FANK1: variants seen among roughly 807,000 people sequenced by gnomAD.
The protein encoded by FANK1 is fibronectin type 3 and ankyrin repeat domains protein 1.
A neutral mutation model predicts 45.3 loss-of-function variants in FANK1; 44 were observed. The observed-to-expected ratio is 0.97, with a 90% CI of 0.76 to 1.25. The LOEUF is 1.25. FANK1 is among the 50% of genes most tolerant of loss of function. FANK1 has a pLI of 0.00. For missense variants in FANK1, 391 were observed against 424.4 expected (o/e 0.92, Z 0.69); for synonymous variants, 149 against 152.5 (o/e 0.98, Z 0.17).
chr10:126,009,542 A>G lies in FANK1; in HGVS notation c.*104A>G. 2 of 1,232,950 alleles carry G rather than the reference A, an allele frequency of 1.6e-6. No homozygotes were observed. The highest frequency in any genetic ancestry group is 2.4e-4 in the Middle Eastern group (1 of 4,202). The allele number at this position is 1,232,950 out of a possible 1,614,324, so 76.4% of individuals were successfully genotyped here. A position where few individuals can be genotyped will look rare whatever the true frequency, so the allele number is the denominator to read the frequency against. On this transcript the variant is annotated 3_prime_UTR_variant, in exon 11 of 11. Transcript: ENST00000368693. ...ATCTTGGGGGGCTGTACATTTATTT[A>G]TTTAGTTGAAGATTCACTGATCCCA... is the stretch of plus-strand genomic sequence containing the variant.
rs909215947 is a variant in FANK1 at position 125,983,250 on chromosome 10, A to C, written c.191+2912A>C. On this transcript the variant is annotated intron_variant, in intron 2 of 10. Coordinates refer to ENST00000368693, the MANE Select transcript of FANK1 (RefSeq NM_145235.5). This position sits in a 1 kb window ranked among gnomAD's most constrained non-coding sequence, Gnocchi z 4.3. Reference sequence around the variant, plus strand: ...TGGTCAGATTTTACCTCCACTGAGAAGCTCTCCTTACTACCCTATTGTCTG... The same window carrying C: ...TGGTCAGATTTTACCTCCACTGAGACGCTCTCCTTACTACCCTATTGTCTG... Among the ~76,000 whole-genome samples, 2 of 151,988 alleles carry C rather than the reference A, an allele frequency of 1.3e-5. No individual in the cohort carries two copies. Among genetic ancestry groups the C allele is most frequent in the African/African-American group, 4.8e-5 (2 of 41,372 alleles).
intron 1 of FANK1, among the ~76,000 whole-genome samples, chr10:125,908,284 C>T (rs1222062914): frequency 1.3e-5 from 2 of 152,186 alleles, no homozygotes; most frequent in African/African-American, 4.8e-5. Context: ...GTGTGAGCCA[C>T]TGTGCCTGGC....
intron 1 of FANK1, among the ~76,000 whole-genome samples, chr10:125,930,900 A>G (rs1947710041): frequency 6.6e-6 from 1 of 151,944 alleles, no homozygotes; most frequent in South Asian, 2.1e-4. Flanking sequence ...CCCAAAGTCC[A>G]TTGTATCATT....
chr10:125,914,373 C>T (rs1946281900), intron 1 of FANK1, among the ~76,000 whole-genome samples: 1 of 151,682 alleles, frequency 6.6e-6, no homozygotes, highest in Admixed American at 6.6e-5. Flanking sequence ...AGGACAGGAA[C>T]CAGCCCTGCC....
chr10:125,985,631 A>G (rs1210445021), intron 2 of FANK1, among the ~76,000 whole-genome samples: 2 of 152,168 alleles, frequency 1.3e-5, no homozygotes, highest in Non-Finnish European at 2.9e-5. Context: ...GTTGATACAT[A>G]CTATCTCAGT....
intron 1 of FANK1, among the ~76,000 whole-genome samples, chr10:125,933,977 T>C (rs944304099): frequency 1.3e-5 from 2 of 152,200 alleles, no homozygotes; most frequent in Non-Finnish European, 2.9e-5. Context: ...TCGATTTTAT[T>C]CCACTGTTAT....
chr10:125,933,391 G>A (rs997401110), intron 1 of FANK1, among the ~76,000 whole-genome samples: 2 of 151,970 alleles, frequency 1.3e-5, no homozygotes, highest in Admixed American at 1.3e-4. Flanking sequence ...GGATTTATCC[G>A]TCTTTTCTAG....
chr10:126,007,159 C>G (rs1286894445), intron 7 of FANK1: 2 of 152,124 alleles, frequency 1.3e-5, no homozygotes, highest in African/African-American at 4.8e-5. Flanking sequence ...GACTTGAGAG[C>G]CAATCACCAC....
At chr10:125,969,688 G>C (rs1192464350) in intron 1 of FANK1, among the ~76,000 whole-genome samples, 1 of 151,902 alleles carries the variant, frequency 6.6e-6, no homozygotes. Flanking sequence ...GGATTTGGCA[G>C]GGTCATAGGA....
At chr10:125,905,087 C>T (rs1471569942) in intron 1 of FANK1, among the ~76,000 whole-genome samples, 11 of 143,150 alleles carry the variant, frequency 7.7e-5, no homozygotes, top group Non-Finnish European at 1.4e-4. Flanking sequence ...GCTGAAACTG[C>T]GCCACTGCAC....
chr10:126,004,603 A>C (rs1031157167), intron 6 of FANK1: 2 of 346,834 alleles, frequency 5.8e-6, no homozygotes, highest in Non-Finnish European at 1.1e-5. Context: ...ATTTCGTATA[A>C]ATGGAATCAG....
At chr10:125,928,663 G>GT in intron 1 of FANK1, among the ~76,000 whole-genome samples, 1 of 152,238 alleles carries the variant, frequency 6.6e-6, no homozygotes, top group East Asian at 1.9e-4. Context: ...TAGATGTATA[G>GT]TAGTATCTCA....
chr10:125,995,922 C>T (rs1021274961), intron 4 of FANK1, among the ~76,000 whole-genome samples: 1 of 152,180 alleles, frequency 6.6e-6, no homozygotes, highest in Non-Finnish European at 1.5e-5. Flanking sequence ...AATATAGCTG[C>T]TGCAGATGAG....
intron 1 of FANK1, among the ~76,000 whole-genome samples, chr10:125,976,435 T>G (rs1950857824): frequency 6.6e-6 from 1 of 152,248 alleles, no homozygotes; most frequent in African/African-American, 2.4e-5. Context: ...CTCTCTCCCT[T>G]TCAGGGATGC....
intron 1 of FANK1, among the ~76,000 whole-genome samples, chr10:125,950,608 G>A (rs1243323016): frequency 2.0e-5 from 3 of 152,138 alleles, no homozygotes; most frequent in African/African-American, 7.2e-5. Context: ...TGCTGGAGAG[G>A]ATGTGGAGAA....
intron 1 of FANK1, among the ~76,000 whole-genome samples, chr10:125,947,375 T>C (rs1250421073): frequency 3.1e-4 from 47 of 149,386 alleles, no homozygotes; most frequent in African/African-American, 9.6e-4. Context: ...ACCCATCTCA[T>C]GTGCAGAGAC....
chr10:125,986,839 G>A (rs1447668009), intron 2 of FANK1, among the ~76,000 whole-genome samples: 2 of 152,164 alleles, frequency 1.3e-5, no homozygotes, highest in Non-Finnish European at 2.9e-5. Context: ...GAATTTGGCG[G>A]AAGGAACTTA....
At chr10:125,918,383 C>G (rs1447865489) in intron 1 of FANK1, among the ~76,000 whole-genome samples, 22 of 151,938 alleles carry the variant, frequency 1.4e-4, no homozygotes, top group African/African-American at 5.1e-4. Context: ...TGGTGAAACC[C>G]CGTCTCTACT....
intron 1 of FANK1, among the ~76,000 whole-genome samples, chr10:125,926,823 G>T (rs1471751307): frequency 1.3e-5 from 2 of 152,188 alleles, no homozygotes; most frequent in Admixed American, 1.3e-4. Flanking sequence ...TTCCTTGGGC[G>T]AGCTCCCTCA....
Sources: allele counts gnomAD v4.1 joint callset (sites outside exome capture counted in the v4.1 genomes callset), GRCh38; gene constraint gnomAD v4.1.1; non-coding constraint Gnocchi (gnomAD v3.1); transcripts MANE v1.5; gene names NCBI Gene and HGNC (gene_info 2026-07-23, HGNC 2026-07-21).